The following PPP1R9A variants were observed in gnomAD, a reference collection of about 807,000 sequenced individuals.
PPP1R9A encodes the protein neurabin-1.
Under a neutral mutation model 141.9 loss-of-function variants are expected in PPP1R9A, and 59 were observed. The observed-to-expected ratio is 0.42, with a 90% CI of 0.34 to 0.52. The LOEUF is 0.52. PPP1R9A is among the 20% of genes least tolerant of loss of function. The pLI is 0.10. For missense variants in PPP1R9A, 1,444 were observed against 1,611.9 expected (o/e 0.90, Z 1.78); for synonymous variants, 500 against 569.7 (o/e 0.88, Z 1.74).
intron 4 of PPP1R9A, among the ~76,000 whole-genome samples, chr7:95,121,485 CTATCT>C (rs1388100788): frequency 3.3e-5 from 5 of 152,040 alleles, no homozygotes; most frequent in South Asian, 4.2e-4. Context: ...ATCTATCTAT[CTATCT>C]ATCTATCTAT....
In PPP1R9A at chr7:94,910,652, C is replaced by T. The variant is rs772635508; in HGVS notation, c.539C>T (p.Ser180Phe). The T allele has an allele frequency of 1.2e-6, 2 of 1,614,028 alleles. No individual in the cohort carries two copies. Among genetic ancestry groups the T allele is most frequent in the South Asian group, 1.1e-5 (1 of 91,086 alleles). Residue 180 changes from serine (S) to phenylalanine (F), a missense_variant, in exon 2 of 20, where the codon TCC becomes TTC. Coordinates refer to ENST00000433360, the MANE Select transcript of PPP1R9A (RefSeq NM_001166160.2). This position sits in a 1 kb window ranked among gnomAD's most constrained non-coding sequence, Gnocchi z 4.5. ...EPQDEWGGSK[S>F]NRGSTDSLDS... is the part of the protein sequence containing the mutation. ...CAGGATGAATGGGGAGGTTCCAAGT[C>T]CAACAGAGGCAGTACTGATTCCTTG...
At chr7:95,159,882 C>T (rs1442349795) in intron 4 of PPP1R9A, among the ~76,000 whole-genome samples, 4 of 145,718 alleles carry the variant, frequency 2.7e-5, no homozygotes, top group Non-Finnish European at 6.0e-5. Flanking sequence ...GCCAAGATCA[C>T]ACCACTGCAC....
At chr7:95,109,564 G>A (rs1820169625) in intron 2 of PPP1R9A, among the ~76,000 whole-genome samples, 2 of 152,334 alleles carry the variant, frequency 1.3e-5, no homozygotes, top group South Asian at 4.1e-4. Context: ...TATTAGGCCA[G>A]GCATAGTAGC....
At chr7:95,036,120 A>C (rs937039808) in intron 2 of PPP1R9A, 1 of 152,222 alleles carries the variant, frequency 6.6e-6, no homozygotes, top group Non-Finnish European at 1.5e-5. Flanking sequence ...AGTAGATTTT[A>C]AACATTGCAA....
At chr7:95,144,626 G>A (rs1392225908) in intron 4 of PPP1R9A, among the ~76,000 whole-genome samples, 1 of 152,126 alleles carries the variant, frequency 6.6e-6, no homozygotes, top group Non-Finnish European at 1.5e-5. Context: ...CAAGCCCACA[G>A]CTAACATCAT....
Position 95,085,545 on chromosome 7 carries a change from G to C in PPP1R9A, c.1396-25714G>C, listed in dbSNP as rs1816503922. Among the ~76,000 whole-genome samples the C allele has an allele frequency of 2.0e-5, 3 of 150,870 alleles. 1 individual carries two copies. The South Asian group carries it at 6.3e-4, about 32-fold the overall frequency. On this transcript the variant is annotated intron_variant, in intron 2 of 19. Coordinates refer to ENST00000433360, the MANE Select transcript of PPP1R9A (RefSeq NM_001166160.2). ...TTCTCCTGCCTCAGCTTCCTGAGTA[G>C]CTGGGATTACAGATGCTCACCACAA...
chr7:95,107,604 G>A (rs1819730801), intron 2 of PPP1R9A, among the ~76,000 whole-genome samples: 1 of 151,964 alleles, frequency 6.6e-6, no homozygotes, highest in Non-Finnish European at 1.5e-5. Context: ...TTATTAAATA[G>A]ACCACTCTAA....
At chr7:95,053,109 G>C (rs868443856) in intron 2 of PPP1R9A, among the ~76,000 whole-genome samples, 3 of 152,058 alleles carry the variant, frequency 2.0e-5, no homozygotes, top group Non-Finnish European at 4.4e-5. Flanking sequence ...AGCATTGGTG[G>C]GACGACTTCC....
At position 94,969,257 on chromosome 7, in the gene PPP1R9A, G is replaced by T. The variant is rs1798587729; in HGVS notation, c.1395+57749G>T. ...TTTTTGGAATTTTCAGCCTTTTTGT[G>T]CTGGTTTTTCCTCATCTTTGTGGAT... On this transcript the variant is annotated intron_variant, in intron 2 of 19. Transcript: ENST00000433360. Among the ~76,000 whole-genome samples, 10 of 152,206 alleles carry T rather than the reference G, an allele frequency of 6.6e-5. No individual in the cohort carries two copies. The South Asian group carries it at 2.1e-3, about 32-fold the overall frequency.
At chr7:94,998,854 T>A (rs989689313) in intron 2 of PPP1R9A, among the ~76,000 whole-genome samples, 1 of 152,138 alleles carries the variant, frequency 6.6e-6, no homozygotes, top group African/African-American at 2.4e-5. Flanking sequence ...ATCCTTGACC[T>A]TGGGGCTCAA....
intron 5 of PPP1R9A, among the ~76,000 whole-genome samples, chr7:95,195,280 G>GTT (rs375295273): frequency 2.6e-4 from 37 of 141,800 alleles, no homozygotes; most frequent in East Asian, 1.7e-3. Flanking sequence ...AAAGCCATCA[G>GTT]TTTTTTTTTT....
chr7:94,982,048 C>A (rs555752374), intron 2 of PPP1R9A, among the ~76,000 whole-genome samples: 1 of 137,964 alleles, frequency 7.2e-6, no homozygotes, highest in South Asian at 2.6e-4. Context: ...TCGTTCAATT[C>A]CCATCTATGA....
intron 7 of PPP1R9A, among the ~76,000 whole-genome samples, chr7:95,211,237 GA>G (rs1252099009): frequency 6.6e-6 from 1 of 152,102 alleles, no homozygotes; most frequent in Non-Finnish European, 1.5e-5. Flanking sequence ...CTCAGTTTGA[GA>G]TGGGTCAACT....
In PPP1R9A at chr7:94,981,998, C is replaced by G. The variant is rs577167222; in HGVS notation, c.1395+70490C>G. Among the ~76,000 whole-genome samples the G allele has an allele frequency of 2.0e-5, 3 of 148,720 alleles. No homozygotes were observed. The South Asian group carries it at 6.6e-4, about 33-fold the overall frequency. On this transcript the variant is annotated intron_variant, in intron 2 of 19. Transcript: ENST00000433360. ...CAACCCCCCACCCCACTACAGGCCT[C>G]AGTGTGTGATGTTCCCCGCCCTGTG...
chr7:95,157,718 CAT>C (rs1829860896), intron 4 of PPP1R9A, among the ~76,000 whole-genome samples: 1 of 152,236 alleles, frequency 6.6e-6, no homozygotes, highest in East Asian at 1.9e-4. Flanking sequence ...TTAATGCATT[CAT>C]ATGACATTGA....
chr7:95,228,035 T>C (rs1527719), intron 8 of PPP1R9A, among the ~76,000 whole-genome samples: 12,379 of 152,194 alleles, frequency 0.081, 1,244 homozygotes, highest in African/African-American at 0.23. Context: ...TGTCCAAATA[T>C]TATATAGCAC....
At chr7:94,928,232 A>G (rs1413405591) in intron 2 of PPP1R9A, among the ~76,000 whole-genome samples, 1 of 152,048 alleles carries the variant, frequency 6.6e-6, no homozygotes, top group Non-Finnish European at 1.5e-5. Context: ...CAGTTGGAGG[A>G]ACATGAAGGG....
At chr7:95,023,555 C>CT (rs547672906) in intron 2 of PPP1R9A, among the ~76,000 whole-genome samples, 66 of 151,520 alleles carry the variant, frequency 4.4e-4, no homozygotes, top group South Asian at 2.7e-3. Flanking sequence ...TTTTCTAGTT[C>CT]TTTTTTTTGT....
intron 2 of PPP1R9A, among the ~76,000 whole-genome samples, chr7:95,000,498 C>T (rs896805372): frequency 6.6e-6 from 1 of 151,974 alleles, no homozygotes; most frequent in Non-Finnish European, 1.5e-5. Context: ...GATGCTTTTT[C>T]ATGTACTCTT....
Sources: allele counts gnomAD v4.1 joint callset (sites outside exome capture counted in the v4.1 genomes callset), GRCh38; gene constraint gnomAD v4.1.1; non-coding constraint Gnocchi (gnomAD v3.1); transcripts MANE v1.5; gene names NCBI Gene and HGNC (gene_info 2026-07-23, HGNC 2026-07-21).